AUTS2: variants seen among roughly 807,000 people sequenced by gnomAD.
AUTS2 encodes the protein autism susceptibility gene 2 protein.
In AUTS2, 17 loss-of-function variants were observed where a neutral mutation model predicts 112.4. That is an observed-to-expected ratio of 0.15 (90% CI 0.10 to 0.23). The LOEUF (loss-of-function observed/expected upper bound fraction) is 0.23. Ranked by LOEUF, AUTS2 falls within the 10% of genes least tolerant of loss-of-function variation. The probability of loss-of-function intolerance (pLI) is 1.00; values close to 1 mark genes in which losing one functional copy is unlikely to be tolerated. For missense variants in AUTS2, 1,510 were observed against 1,701.6 expected, an observed-to-expected ratio of 0.89 and a Z score of 1.98; for synonymous variants, 751 against 702.7, an observed-to-expected ratio of 1.07 and a Z score of -1.09.
chr7:69,637,188 C>T (rs962686655), intron 1 of AUTS2, among the ~76,000 whole-genome samples: 4 of 152,134 alleles, frequency 2.6e-5, no homozygotes, highest in Non-Finnish European at 5.9e-5. Flanking sequence ...TATAACTAGC[C>T]TTGTGATATA....
At chr7:70,214,008 C>T (rs952476366) in intron 4 of AUTS2, among the ~76,000 whole-genome samples, 5 of 152,164 alleles carry the variant, frequency 3.3e-5, no homozygotes, top group Non-Finnish European at 7.3e-5. Context: ...AAGGTAACTG[C>T]AGCACTTTTG....
At chr7:69,776,202 T>C (rs180822451) in intron 1 of AUTS2, among the ~76,000 whole-genome samples, 5 of 152,302 alleles carry the variant, frequency 3.3e-5, no homozygotes, top group Admixed American at 3.3e-4. Context: ...AAAATACTTA[T>C]TAGGAATCGT....
chr7:69,870,335 A>T (rs1377333149), intron 1 of AUTS2, among the ~76,000 whole-genome samples: 1 of 151,288 alleles, frequency 6.6e-6, no homozygotes, highest in Non-Finnish European at 1.5e-5. Flanking sequence ...TATTTAGGTT[A>T]AAAATTATGT....
intron 4 of AUTS2, among the ~76,000 whole-genome samples, chr7:70,424,912 A>G (rs1176693150): frequency 6.6e-6 from 1 of 152,226 alleles, no homozygotes; most frequent in African/African-American, 2.4e-5. Flanking sequence ...GATGAATGCC[A>G]GCCAACAGCT....
At chr7:70,032,858 C>A (rs1186305920) in intron 2 of AUTS2, among the ~76,000 whole-genome samples, 1 of 150,730 alleles carries the variant, frequency 6.6e-6, no homozygotes, top group Admixed American at 6.6e-5. Context: ...GGGAGTCATA[C>A]TTGAATGAAC....
intron 4 of AUTS2, among the ~76,000 whole-genome samples, chr7:70,238,852 T>TTG (rs149007838): frequency 7.3e-5 from 11 of 151,320 alleles, no homozygotes; most frequent in South Asian, 2.1e-4. Flanking sequence ...GTATGTGTGT[T>TTG]TGTGTGTGTG....
intron 2 of AUTS2, among the ~76,000 whole-genome samples, chr7:70,067,391 A>G (rs749384431): frequency 2.6e-5 from 4 of 152,250 alleles, no homozygotes; most frequent in Non-Finnish European, 5.9e-5. Context: ...TGATTTATAG[A>G]AGTGAGACTA....
intron 2 of AUTS2, among the ~76,000 whole-genome samples, chr7:70,011,442 G>T (rs1799804318): frequency 6.7e-6 from 1 of 148,238 alleles, no homozygotes; most frequent in Non-Finnish European, 1.5e-5. Flanking sequence ...AGGGCTTTTT[G>T]TTACAAAAAA....
chr7:70,552,037 T>C (rs1801035213), intron 5 of AUTS2, among the ~76,000 whole-genome samples: 1 of 152,194 alleles, frequency 6.6e-6, no homozygotes, highest in African/African-American at 2.4e-5. Context: ...GTTAATACTA[T>C]ATTTTTAAGA....
At chr7:69,772,270 A>C (rs1411696296) in intron 1 of AUTS2, among the ~76,000 whole-genome samples, 1 of 152,202 alleles carries the variant, frequency 6.6e-6, no homozygotes, top group Non-Finnish European at 1.5e-5. Context: ...TCAACTCAGA[A>C]ATTCACATTT....
chr7:69,692,672 A>G (rs1380309462), intron 1 of AUTS2, among the ~76,000 whole-genome samples: 1 of 152,236 alleles, frequency 6.6e-6, no homozygotes, highest in East Asian at 1.9e-4. Context: ...TGACTATTTT[A>G]AAGAGTCATG....
chr7:70,383,008 G>T (rs763053475), intron 4 of AUTS2, among the ~76,000 whole-genome samples: 3 of 152,118 alleles, frequency 2.0e-5, no homozygotes, highest in Admixed American at 6.5e-5. Context: ...TATTTTTCCA[G>T]AACTGAGATC....
chr7:69,775,056 AT>A (rs1214360621), intron 1 of AUTS2, among the ~76,000 whole-genome samples: 2 of 152,174 alleles, frequency 1.3e-5, no homozygotes, highest in Admixed American at 6.5e-5. Context: ...CATGGAAATA[AT>A]TTTTTGTATT....
At chr7:70,678,450 T>G (rs1808040232) in intron 5 of AUTS2, among the ~76,000 whole-genome samples, 1 of 152,178 alleles carries the variant, frequency 6.6e-6, no homozygotes, top group South Asian at 2.1e-4. Context: ...GCAAGACACA[T>G]AAGCAACAAT....
chr7:70,301,543 A>G (rs971443953), intron 4 of AUTS2, among the ~76,000 whole-genome samples: 2 of 152,138 alleles, frequency 1.3e-5, no homozygotes, highest in African/African-American at 4.8e-5. Context: ...GACGTGCAAC[A>G]TTTGTGAGGT....
chr7:70,620,185 A>AGGTGT (rs1298907046), intron 5 of AUTS2, among the ~76,000 whole-genome samples: 1 of 152,196 alleles, frequency 6.6e-6, no homozygotes, highest in Non-Finnish European at 1.5e-5. Flanking sequence ...AATTTATAGA[A>AGGTGT]CAGACACCTT....
At chr7:69,803,192 G>A (rs753012326) in intron 1 of AUTS2, among the ~76,000 whole-genome samples, 4 of 152,258 alleles carry the variant, frequency 2.6e-5, no homozygotes, top group Non-Finnish European at 5.9e-5. Context: ...TCTTCCTGAA[G>A]GAATTGCTTT....
chr7:70,198,415 C>G (rs937716835), intron 4 of AUTS2, among the ~76,000 whole-genome samples: 2 of 151,820 alleles, frequency 1.3e-5, no homozygotes, highest in Non-Finnish European at 2.9e-5. Flanking sequence ...AACATTCAAA[C>G]CAAAGGCAAA....
At chr7:70,417,370 G>A (rs1795029613) in intron 4 of AUTS2, among the ~76,000 whole-genome samples, 1 of 152,190 alleles carries the variant, frequency 6.6e-6, no homozygotes. Context: ...CATCAAATTG[G>A]CGCTGTCATA....
Sources: allele counts gnomAD v4.1 joint callset (sites outside exome capture counted in the v4.1 genomes callset), GRCh38; gene constraint gnomAD v4.1.1; transcripts MANE v1.5; gene names NCBI Gene and HGNC (gene_info 2026-07-23, HGNC 2026-07-21).